CFAP20DC: variants seen among roughly 807,000 people sequenced by gnomAD.
CFAP20DC encodes the protein CFAP20 domain containing.
A neutral mutation model predicts 101.7 loss-of-function variants in CFAP20DC; 84 were observed. The observed-to-expected ratio is 0.83, with a 90% CI of 0.69 to 0.99. CFAP20DC has a LOEUF of 0.99. Among genes scored for constraint, CFAP20DC ranks in the 50% least tolerant of loss-of-function variants. CFAP20DC has a pLI of 0.00. For synonymous variants in CFAP20DC, 359 were observed against 351.2 expected (o/e 1.02, Z -0.25); for missense variants, 1,007 against 970.3 (o/e 1.04, Z -0.50).
At chr3:58,891,330 G>C (rs1219641330) in intron 6 of CFAP20DC, among the ~76,000 whole-genome samples, 1 of 151,678 alleles carries the variant, frequency 6.6e-6, no homozygotes. Flanking sequence ...AGGAGAATCA[G>C]GCAGGGAGGT....
chr3:58,918,026 T>G (rs2084925241), intron 5 of CFAP20DC, among the ~76,000 whole-genome samples: 1 of 152,170 alleles, frequency 6.6e-6, no homozygotes, highest in African/African-American at 2.4e-5. Context: ...AATCATAGTT[T>G]CATACTCAAG....
chr3:58,926,164 G>C (rs948836793), intron 5 of CFAP20DC, among the ~76,000 whole-genome samples: 9 of 151,996 alleles, frequency 5.9e-5, no homozygotes, highest in African/African-American at 2.2e-4. Flanking sequence ...TCAGGAGTTA[G>C]AGACCAGCCT....
At chr3:58,884,278 C>G (rs750064217) in intron 7 of CFAP20DC, among the ~76,000 whole-genome samples, 1 of 152,120 alleles carries the variant, frequency 6.6e-6, no homozygotes, top group Non-Finnish European at 1.5e-5. Context: ...CCCGTAATAC[C>G]ATAACCATTT....
At chr3:58,757,513 C>A (rs928700681) in intron 15 of CFAP20DC, among the ~76,000 whole-genome samples, 2 of 151,854 alleles carry the variant, frequency 1.3e-5, no homozygotes, top group African/African-American at 4.8e-5. Flanking sequence ...TTGTGCCATA[C>A]AAAAGGTTTT....
chr3:58,733,794 T>C (rs1025171349), intron 3 of CFAP20DC, among the ~76,000 whole-genome samples: 1 of 152,256 alleles, frequency 6.6e-6, no homozygotes, highest in African/African-American at 2.4e-5. Flanking sequence ...CCCCTATTTC[T>C]CCAAATTCTC....
At chr3:58,988,963 G>GT (rs1054269337) in intron 4 of CFAP20DC, among the ~76,000 whole-genome samples, 91 of 151,874 alleles carry the variant, frequency 6.0e-4, no homozygotes, top group Non-Finnish European at 1.0e-3. Context: ...TACATTCTGT[G>GT]TTTTTTTAAA....
intron 6 of CFAP20DC, chr3:58,887,443 T>C (rs1669890108): frequency 6.6e-6 from 1 of 152,198 alleles, no homozygotes; most frequent in African/African-American, 2.4e-5. Context: ...CTGAACCCTA[T>C]GACGAGAATC....
At chr3:58,775,684 T>C (rs191268415) in intron 15 of CFAP20DC, among the ~76,000 whole-genome samples, 1 of 152,188 alleles carries the variant, frequency 6.6e-6, no homozygotes, top group Admixed American at 6.5e-5. Flanking sequence ...ATCTGCTGGT[T>C]ATATATTATG....
intron 13 of CFAP20DC, among the ~76,000 whole-genome samples, chr3:58,836,984 G>A (rs960099023): frequency 2.0e-5 from 3 of 152,008 alleles, no homozygotes; most frequent in African/African-American, 7.2e-5. Context: ...GAGAAGGAGG[G>A]TAATATGGCA....
intron 3 of CFAP20DC, among the ~76,000 whole-genome samples, chr3:58,733,488 C>T (rs2107089231): frequency 6.6e-6 from 1 of 152,230 alleles, no homozygotes; most frequent in Admixed American, 6.5e-5. Flanking sequence ...AATAATCCTA[C>T]ACCATACCAT....
Position 58,913,696 on chromosome 3 carries a change from A to G in CFAP20DC, c.550+12T>C. The G allele has an allele frequency of 6.2e-7, 1 of 1,613,326 alleles. No homozygotes were observed. The highest frequency in any genetic ancestry group is 1.7e-4 in the Middle Eastern group (1 of 6,060). ...AGAGAATTAAAAAATCTTGATAGCA[A>G]CCTGAACATACCATCCTTATCAGCA... On this transcript the variant is annotated intron_variant, in intron 6 of 16. Transcript: ENST00000482387. The surrounding 1 kb of genome is among the most constrained non-coding windows in gnomAD (Gnocchi z 4.4).
Position 58,863,228 on chromosome 3 carries a change from C to T in CFAP20DC, c.1593+330G>A. 7.6e-7 allele frequency: 1 copy of T among 1,322,580 alleles called. No homozygotes were observed. The highest frequency in any genetic ancestry group is 2.1e-5 in the South Asian group (1 of 47,384). 81.9% of individuals were successfully genotyped at this position (1,322,580 alleles called of 1,614,324 possible). A position where few individuals can be genotyped will look rare whatever the true frequency, so the allele number is the denominator to read the frequency against. ...CTCCAGAGATCTAGAACAGTATATT[C>T]TCAGTGTTTTACTGGTCTTGCTATC... is the stretch of plus-strand genomic sequence containing the variant. On this transcript the variant is annotated intron_variant, in intron 12 of 16. Transcript: ENST00000482387. This position sits in a 1 kb window ranked among gnomAD's most constrained non-coding sequence, Gnocchi z 5.9.
chr3:58,938,557 A>G (rs1195787113), intron 4 of CFAP20DC, among the ~76,000 whole-genome samples: 1 of 152,154 alleles, frequency 6.6e-6, no homozygotes. Context: ...TTAGGGAAAA[A>G]CTTTGTTTAG....
At chr3:58,945,973 G>A (rs1271664299) in intron 4 of CFAP20DC, among the ~76,000 whole-genome samples, 1 of 149,890 alleles carries the variant, frequency 6.7e-6, no homozygotes, top group Non-Finnish European at 1.5e-5. Flanking sequence ...GGGATTACAG[G>A]CATAAGCCAC....
intron 15 of CFAP20DC, among the ~76,000 whole-genome samples, chr3:58,779,526 A>G (rs867894854): frequency 6.6e-6 from 1 of 152,210 alleles, no homozygotes; most frequent in South Asian, 2.1e-4. Context: ...ATATTAGTAG[A>G]TAGAAAATTC....
intron 4 of CFAP20DC, among the ~76,000 whole-genome samples, chr3:58,954,995 TA>T (rs1206589803): frequency 0.022 from 3,078 of 142,182 alleles, 94 homozygotes; most frequent in African/African-American, 0.073. Flanking sequence ...AAATAAAAAC[TA>T]AAAAAAAAAA....
At chr3:58,720,594 T>C (rs145885539) in intron 3 of CFAP20DC, among the ~76,000 whole-genome samples, 1 of 152,328 alleles carries the variant, frequency 6.6e-6, no homozygotes, top group Non-Finnish European at 1.5e-5. Context: ...CAGTCGCACA[T>C]TATTGTTATT....
intron 15 of CFAP20DC, among the ~76,000 whole-genome samples, chr3:58,765,102 A>C (rs2070145686): frequency 6.6e-6 from 1 of 152,210 alleles, no homozygotes; most frequent in African/African-American, 2.4e-5. Flanking sequence ...ACATTACCTG[A>C]GTAGGGCTGA....
intron 5 of CFAP20DC, among the ~76,000 whole-genome samples, chr3:58,921,841 G>C (rs1355746661): frequency 1.3e-5 from 2 of 152,134 alleles, no homozygotes; most frequent in Non-Finnish European, 2.9e-5. Context: ...TCTGTGTTTA[G>C]TTTTGTTAGT....
Sources: allele counts gnomAD v4.1 joint callset (sites outside exome capture counted in the v4.1 genomes callset), GRCh38; gene constraint gnomAD v4.1.1; non-coding constraint Gnocchi (gnomAD v3.1); transcripts MANE v1.5; gene names NCBI Gene and HGNC (gene_info 2026-07-23, HGNC 2026-07-21).